DSE: variants seen among roughly 807,000 people sequenced by gnomAD.
DSE encodes dermatan sulfate epimerase, also known as dermatan-sulfate epimerase.
In DSE, 36 loss-of-function variants were observed where a neutral mutation model predicts 84.4. The observed-to-expected ratio is 0.43, with a 90% CI of 0.33 to 0.56. DSE has a LOEUF of 0.56. Ranked by LOEUF, DSE falls within the 20% of genes least tolerant of loss-of-function variation. DSE has a pLI of 0.06. For synonymous variants in DSE, 410 were observed against 430.1 expected (o/e 0.95, Z 0.58); for missense variants, 862 against 1,169.6 (o/e 0.74, Z 3.84).
At chr6:116,375,545 T>C (rs1173319068) in intron 1 of DSE, 9 of 985,168 alleles carry the variant, frequency 9.1e-6, no homozygotes, top group Non-Finnish European at 1.1e-5. Flanking sequence ...GTATCCCAAA[T>C]TTCTATCATC....
At chr6:116,277,733 C>T (rs943805776) in intron 2 of DSE, 1 of 151,976 alleles carries the variant, frequency 6.6e-6, no homozygotes, top group South Asian at 2.1e-4. Flanking sequence ...GAAACCCCGT[C>T]TCTACTAAAA....
intron 2 of DSE, among the ~76,000 whole-genome samples, chr6:116,315,697 A>G (rs904212830): frequency 1.3e-5 from 2 of 152,164 alleles, no homozygotes; most frequent in African/African-American, 2.4e-5. Context: ...ATCGTATGTG[A>G]TGTTTTAAAA....
At chr6:116,279,641 G>T in intron 2 of DSE, 1 of 1,604,640 alleles carries the variant, frequency 6.2e-7, no homozygotes. Context: ...TCCTCTGAAG[G>T]CGGTGGAGGC....
chr6:116,429,051 T>G (rs930702329), intron 3 of DSE, among the ~76,000 whole-genome samples: 15 of 152,202 alleles, frequency 9.9e-5, no homozygotes, highest in Non-Finnish European at 1.6e-4. Flanking sequence ...CTGGGAACAG[T>G]GATCTGATTT....
chr6:116,281,569 C>G (rs1773538417), intron 2 of DSE, among the ~76,000 whole-genome samples: 1 of 152,038 alleles, frequency 6.6e-6, no homozygotes, highest in South Asian at 2.1e-4. Flanking sequence ...AATATCAAGA[C>G]CAGAAATATA....
chr6:116,329,038 T>TA (rs1181430511), intron 2 of DSE, among the ~76,000 whole-genome samples: 2 of 152,130 alleles, frequency 1.3e-5, no homozygotes, highest in African/African-American at 4.8e-5. Flanking sequence ...CTTTGAAAAA[T>TA]AAAAAAACTT....
chr6:116,414,537 C>T (rs1009024123), intron 2 of DSE, among the ~76,000 whole-genome samples: 3 of 152,100 alleles, frequency 2.0e-5, no homozygotes, highest in Non-Finnish European at 4.4e-5. Flanking sequence ...CTCAGCCTCC[C>T]TAGTAGCTGG....
At chr6:116,270,933 T>C (rs934307782) in intron 2 of DSE, among the ~76,000 whole-genome samples, 2 of 152,188 alleles carry the variant, frequency 1.3e-5, no homozygotes, top group Non-Finnish European at 2.9e-5. Flanking sequence ...TAAATGGAGA[T>C]AGTGACACTG....
intron 1 of DSE, among the ~76,000 whole-genome samples, chr6:116,376,606 T>C (rs1208457747): frequency 6.6e-6 from 1 of 152,262 alleles, no homozygotes; most frequent in African/African-American, 2.4e-5. Flanking sequence ...TTTCCTTCTG[T>C]TTGCTTCAGC....
chr6:116,433,757 A>G (rs1039475567), intron 5 of DSE, among the ~76,000 whole-genome samples: 1 of 152,210 alleles, frequency 6.6e-6, no homozygotes. Context: ...AAAAAATTTC[A>G]ACTTTTAGAT....
intron 2 of DSE, among the ~76,000 whole-genome samples, chr6:116,301,879 T>C (rs1469761186): frequency 6.6e-6 from 1 of 152,174 alleles, no homozygotes; most frequent in Non-Finnish European, 1.5e-5. Flanking sequence ...AGTGAGAACA[T>C]GCGGTGTTTG....
At chr6:116,348,443 AAC>A (rs1778121388) in intron 2 of DSE, among the ~76,000 whole-genome samples, 2 of 151,804 alleles carry the variant, frequency 1.3e-5, no homozygotes, top group Non-Finnish European at 2.9e-5. Context: ...AACAAAAAAA[AAC>A]AAAAAAAAAA....
At chr6:116,354,141 C>T (rs1778461328) in intron 2 of DSE, among the ~76,000 whole-genome samples, 1 of 152,114 alleles carries the variant, frequency 6.6e-6, no homozygotes, top group Non-Finnish European at 1.5e-5. Flanking sequence ...AATATTAGTT[C>T]AGGTCCTTGA....
At chr6:116,341,814 A>G (rs1214573662) in intron 2 of DSE, among the ~76,000 whole-genome samples, 1 of 152,092 alleles carries the variant, frequency 6.6e-6, no homozygotes, top group Non-Finnish European at 1.5e-5. Flanking sequence ...GATGTGTGCT[A>G]TTATTTCTGA....
Position 116,442,271 on chromosome 6 carries a change from A to G in DSE, c.*4926A>G, listed in dbSNP as rs1306853336. ...AGGATCAGATCATACATGCTCTCACAGACTGCAGCAAAGACTTGGATTATG... is the reference window on the plus strand; with the variant it reads ...AGGATCAGATCATACATGCTCTCACGGACTGCAGCAAAGACTTGGATTATG... On this transcript the variant is annotated 3_prime_UTR_variant, in exon 6 of 6. Transcript: ENST00000644252. 6.6e-6 allele frequency: 1 copy of G among 152,310 alleles called. No homozygotes were observed. The highest frequency in any genetic ancestry group is 6.5e-5 in the Admixed American group (1 of 15,268). 9.4% of individuals were successfully genotyped at this position (152,310 alleles called of 1,614,324 possible).
At chr6:116,414,458 G>T (rs750864674) in intron 2 of DSE, among the ~76,000 whole-genome samples, 1 of 151,974 alleles carries the variant, frequency 6.6e-6, no homozygotes, top group Non-Finnish European at 1.5e-5. Flanking sequence ...TGTTGCCCAG[G>T]ATGGAGTGCA....
chr6:116,258,182 ATT>A (rs112203736), intron 1 of DSE, among the ~76,000 whole-genome samples: 4 of 144,670 alleles, frequency 2.8e-5, no homozygotes, highest in Admixed American at 6.9e-5. Context: ...TGCCCGGCTA[ATT>A]TTTTTTTTTT....
intron 2 of DSE, among the ~76,000 whole-genome samples, chr6:116,303,370 AT>A (rs540771099): frequency 6.6e-6 from 1 of 152,080 alleles, no homozygotes; most frequent in Non-Finnish European, 1.5e-5. Context: ...ACTTAATACA[AT>A]TGTAGATATT....
chr6:116,409,486 A>G (rs1030102312), intron 2 of DSE, among the ~76,000 whole-genome samples: 32 of 152,022 alleles, frequency 2.1e-4, no homozygotes, highest in Admixed American at 1.3e-3. Flanking sequence ...TCACCATGTT[A>G]GCCAGGATGG....
Sources: allele counts gnomAD v4.1 joint callset (sites outside exome capture counted in the v4.1 genomes callset), GRCh38; gene constraint gnomAD v4.1.1; transcripts MANE v1.5; gene names NCBI Gene and HGNC (gene_info 2026-07-23, HGNC 2026-07-21).